The following CTNNA3 variants were observed in gnomAD, a reference collection of about 807,000 sequenced individuals.
CTNNA3 encodes the protein catenin alpha-3.
CTNNA3 carries 76 observed loss-of-function variants against 95.7 expected under a neutral mutation model. That is an observed-to-expected ratio of 0.79 (90% CI 0.66 to 0.96). CTNNA3 has a LOEUF of 0.96. Among genes scored for constraint, CTNNA3 ranks in the 40% least tolerant of loss-of-function variants. The probability of loss-of-function intolerance (pLI) is 0.00; values close to 1 mark genes in which losing one functional copy is unlikely to be tolerated. For missense variants in CTNNA3, 1,191 were observed against 1,089.8 expected (o/e 1.09, Z -1.31); for synonymous variants, 431 against 374.4 (o/e 1.15, Z -1.74).
intron 5 of CTNNA3, among the ~76,000 whole-genome samples, chr10:67,313,387 G>A (rs897596978): frequency 4.6e-5 from 7 of 151,396 alleles, no homozygotes; most frequent in South Asian, 2.1e-4. Flanking sequence ...AGCTGAGATC[G>A]CGCCACTGCA....
At chr10:66,994,267 C>T (rs952315392) in intron 7 of CTNNA3, among the ~76,000 whole-genome samples, 1 of 152,110 alleles carries the variant, frequency 6.6e-6, no homozygotes. Flanking sequence ...AAATGCTCTC[C>T]AAGCTTTATA....
chr10:67,442,779 A>G (rs1846572283), intron 5 of CTNNA3, among the ~76,000 whole-genome samples: 1 of 151,986 alleles, frequency 6.6e-6, no homozygotes. Flanking sequence ...AGAGACTTTA[A>G]CACCCTACTT....
At chr10:66,199,189 C>CT (rs1481067818) in intron 13 of CTNNA3, among the ~76,000 whole-genome samples, 1 of 151,912 alleles carries the variant, frequency 6.6e-6, no homozygotes, top group Non-Finnish European at 1.5e-5. Flanking sequence ...AAAGGTGATC[C>CT]TAGGTGCTCT....
chr10:66,235,052 A>G (rs181392780), intron 13 of CTNNA3, among the ~76,000 whole-genome samples: 56 of 152,350 alleles, frequency 3.7e-4, no homozygotes, highest in Non-Finnish European at 6.2e-4. Flanking sequence ...GCTTCGAAGC[A>G]GACCTTTCGC....
At chr10:66,107,373 A>T (rs1221731014) in intron 13 of CTNNA3, among the ~76,000 whole-genome samples, 1 of 152,220 alleles carries the variant, frequency 6.6e-6, no homozygotes, top group Admixed American at 6.5e-5. Flanking sequence ...TTTTAGGGTT[A>T]TTGTAAAGAT....
At chr10:67,342,363 A>G (rs1191630180) in intron 5 of CTNNA3, among the ~76,000 whole-genome samples, 1 of 151,982 alleles carries the variant, frequency 6.6e-6, no homozygotes, top group African/African-American at 2.4e-5. Flanking sequence ...CGGCCTCCCA[A>G]AGTGCTGGGA....
chr10:66,763,706 C>T (rs946286751), intron 9 of CTNNA3, among the ~76,000 whole-genome samples: 8 of 152,292 alleles, frequency 5.3e-5, no homozygotes, highest in Admixed American at 3.9e-4. Flanking sequence ...ACAACTGCAG[C>T]TTCCTAATTC....
intron 2 of CTNNA3, among the ~76,000 whole-genome samples, chr10:67,617,298 T>G (rs148052781): frequency 0.035 from 5,401 of 152,230 alleles, 96 homozygotes; most frequent in Middle Eastern, 0.085. Flanking sequence ...TTCCCCTCTA[T>G]GTGTCCATGT....
intron 15 of CTNNA3, among the ~76,000 whole-genome samples, chr10:66,006,391 C>A (rs1052019382): frequency 9.2e-5 from 14 of 152,076 alleles, no homozygotes; most frequent in Admixed American, 2.0e-4. Flanking sequence ...CCCCCACACC[C>A]AACAAACCAA....
At chr10:67,493,432 C>T (rs1330266924) in intron 5 of CTNNA3, among the ~76,000 whole-genome samples, 1 of 151,798 alleles carries the variant, frequency 6.6e-6, no homozygotes, top group Non-Finnish European at 1.5e-5. Flanking sequence ...CGTGGTGGCA[C>T]GCACCTGTAG....
chr10:66,762,035 A>G (rs562428213), intron 9 of CTNNA3, among the ~76,000 whole-genome samples: 3 of 152,302 alleles, frequency 2.0e-5, no homozygotes, highest in South Asian at 4.1e-4. Context: ...CCTTCATTCA[A>G]TGTGGATTTA....
At position 66,463,619 on chromosome 10, in the gene CTNNA3, A is replaced by G. The variant is rs576234201; in HGVS notation, c.1531+56998T>C. On this transcript the variant is annotated intron_variant, in intron 11 of 17. Coordinates refer to ENST00000433211, the MANE Select transcript of CTNNA3 (RefSeq NM_013266.4). ...ACTGCATAGAAATTACCAGAAAAACAATAATATATGAAAAATCATTTCCAT... is the reference window on the plus strand; with the variant it reads ...ACTGCATAGAAATTACCAGAAAAACGATAATATATGAAAAATCATTTCCAT... Among the ~76,000 whole-genome samples, 366 of 152,284 alleles carry G rather than the reference A, an allele frequency of 2.4e-3. 2 individuals are homozygous for G. The highest frequency in any genetic ancestry group is 8.1e-3 in the African/African-American group (336 of 41,560).
chr10:67,622,255 T>TCCA (rs1843870944), intron 2 of CTNNA3, among the ~76,000 whole-genome samples: 1 of 152,204 alleles, frequency 6.6e-6, no homozygotes, highest in African/African-American at 2.4e-5. Context: ...GGCAGGTGTA[T>TCCA]CTTGGCTTAT....
intron 11 of CTNNA3, among the ~76,000 whole-genome samples, chr10:66,398,167 T>C (rs893653896): frequency 6.6e-6 from 1 of 151,952 alleles, no homozygotes; most frequent in African/African-American, 2.4e-5. Flanking sequence ...GTATTTTCAG[T>C]TGGCTCTTTC....
At chr10:66,423,030 C>T (rs771526858) in intron 11 of CTNNA3, among the ~76,000 whole-genome samples, 1 of 152,076 alleles carries the variant, frequency 6.6e-6, no homozygotes, top group East Asian at 1.9e-4. Flanking sequence ...ACTACTACAC[C>T]TGGTGGTAGT....
At chr10:67,027,436 CTTT>C (rs5785811) in intron 7 of CTNNA3, among the ~76,000 whole-genome samples, 3 of 134,352 alleles carry the variant, frequency 2.2e-5, no homozygotes, top group Admixed American at 7.7e-5. Flanking sequence ...TCTTTCATGA[CTTT>C]TTTTTTTTTT....
chr10:66,468,582 T>A (rs1433947728), intron 11 of CTNNA3, among the ~76,000 whole-genome samples: 2 of 151,996 alleles, frequency 1.3e-5, no homozygotes, highest in Non-Finnish European at 2.9e-5. Context: ...TATTGTATTG[T>A]ATCTTTCAAA....
chr10:67,248,354 C>A (rs763767888), intron 5 of CTNNA3, among the ~76,000 whole-genome samples: 2 of 152,102 alleles, frequency 1.3e-5, no homozygotes, highest in African/African-American at 2.4e-5. Flanking sequence ...AAAGAACAAT[C>A]TTTTCAACAA....
intron 15 of CTNNA3, among the ~76,000 whole-genome samples, chr10:66,063,815 AT>A (rs1366386729): frequency 1.3e-5 from 2 of 152,104 alleles, no homozygotes; most frequent in East Asian, 1.9e-4. Context: ...TGTCTTGGAA[AT>A]TTAAAATGCA....
Sources: gnomAD v4.1 joint callset for allele counts (sites outside exome capture counted in the v4.1 genomes callset) on GRCh38, gnomAD v4.1.1 for gene constraint, MANE v1.5 for transcripts, NCBI Gene and HGNC (gene_info 2026-07-23, HGNC 2026-07-21) for gene names.